DAB1: variants seen among roughly 807,000 people sequenced by gnomAD.
The protein encoded by DAB1 is DAB adaptor protein 1.
DAB1 carries 15 observed loss-of-function variants against 64.6 expected under a neutral mutation model. That is an observed-to-expected ratio of 0.23 (90% CI 0.16 to 0.36). DAB1 has a LOEUF of 0.36. Ranked by LOEUF, DAB1 falls within the 10% of genes least tolerant of loss-of-function variation. The pLI, the probability that DAB1 is intolerant of heterozygous loss-of-function variation, is 1.00. For synonymous variants in DAB1, 235 were observed against 251.9 expected, an observed-to-expected ratio of 0.93 and a Z score of 0.64; for missense variants, 596 against 706.7, an observed-to-expected ratio of 0.84 and a Z score of 1.78.
intron 3 of DAB1, among the ~76,000 whole-genome samples, chr1:58,482,948 T>C (rs974101672): frequency 6.6e-6 from 1 of 152,090 alleles, no homozygotes; most frequent in African/African-American, 2.4e-5. Flanking sequence ...ATGGAAAGAA[T>C]GAAAATGGAG....
chr1:57,791,250 C>G (rs1003106263), intron 6 of DAB1, among the ~76,000 whole-genome samples: 3 of 152,176 alleles, frequency 2.0e-5, no homozygotes, highest in Non-Finnish European at 2.9e-5. Context: ...CCTAGGCCCC[C>G]CTGTGTTGGA....
At chr1:58,219,903 T>C (rs1659068407) in intron 4 of DAB1, among the ~76,000 whole-genome samples, 1 of 152,260 alleles carries the variant, frequency 6.6e-6, no homozygotes, top group Non-Finnish European at 1.5e-5. Context: ...CTATCTGTGC[T>C]TACAATAGGC....
intron 4 of DAB1, among the ~76,000 whole-genome samples, chr1:58,253,127 CT>C (rs1660843124): frequency 6.6e-6 from 1 of 152,250 alleles, no homozygotes; most frequent in Admixed American, 6.5e-5. Context: ...CGAACCTCTC[CT>C]GTCATTTATT....
intron 3 of DAB1, among the ~76,000 whole-genome samples, chr1:58,366,355 A>T (rs943710774): frequency 6.6e-6 from 1 of 152,202 alleles, no homozygotes; most frequent in Non-Finnish European, 1.5e-5. Flanking sequence ...AGGGCCAGTG[A>T]CTAAGGGATC....
intron 3 of DAB1, among the ~76,000 whole-genome samples, chr1:58,476,060 AC>A (rs1645415546): frequency 2.0e-5 from 3 of 152,184 alleles, no homozygotes; most frequent in African/African-American, 7.2e-5. Flanking sequence ...GAAGAAAAAA[AC>A]AAATCTGATT....
chr1:57,235,170 A>G (rs1356454727), intron 2 of DAB1, among the ~76,000 whole-genome samples: 1 of 152,212 alleles, frequency 6.6e-6, no homozygotes, highest in Non-Finnish European at 1.5e-5. Context: ...AGTAAGTGAG[A>G]GGAGTCTCTG....
intron 5 of DAB1, among the ~76,000 whole-genome samples, chr1:57,945,917 T>A (rs566108933): frequency 6.6e-6 from 1 of 152,298 alleles, no homozygotes; most frequent in Non-Finnish European, 1.5e-5. Context: ...AGACAAATGT[T>A]AAATCAGTAA....
chr1:57,600,938 C>CA (rs1350171706), intron 7 of DAB1, among the ~76,000 whole-genome samples: 2 of 152,108 alleles, frequency 1.3e-5, no homozygotes, highest in Non-Finnish European at 2.9e-5. Flanking sequence ...GGTGGTTAAA[C>CA]AAGGCTGTGG....
At chr1:57,695,248 AGAAAGAAAGAAGGAAG>A (rs1371197074) in intron 6 of DAB1, among the ~76,000 whole-genome samples, 13 of 60,578 alleles carry the variant, frequency 2.1e-4, no homozygotes, top group Non-Finnish European at 2.7e-4. Flanking sequence ...GAAGAAAGAA[AGAAAGAAAGAAGGAAG>A]GAAGGAAGGA....
intron 2 of DAB1, among the ~76,000 whole-genome samples, chr1:57,229,678 T>C (rs771312026): frequency 6.6e-6 from 1 of 152,222 alleles, no homozygotes; most frequent in Non-Finnish European, 1.5e-5. Flanking sequence ...TTTACTGGTT[T>C]GCAAGTGAGA....
chr1:57,269,255 G>A (rs147728209), intron 2 of DAB1, among the ~76,000 whole-genome samples: 243 of 152,154 alleles, frequency 1.6e-3, no homozygotes, highest in African/African-American at 5.7e-3. Context: ...CAGCTCCCTG[G>A]GATATACAGA....
intron 7 of DAB1, among the ~76,000 whole-genome samples, chr1:57,597,285 C>A (rs570484906): frequency 2.0e-5 from 3 of 152,306 alleles, no homozygotes; most frequent in South Asian, 2.1e-4. Context: ...AATCAACATG[C>A]CCTTCTTTCT....
intron 5 of DAB1, among the ~76,000 whole-genome samples, chr1:57,992,032 G>A (rs765839827): frequency 4.6e-5 from 7 of 151,966 alleles, no homozygotes; most frequent in African/African-American, 7.2e-5. Flanking sequence ...GCCAGAGCTC[G>A]CTGTACTTGA....
At chr1:58,069,368 A>T (rs1425557405) in intron 5 of DAB1, among the ~76,000 whole-genome samples, 1 of 152,218 alleles carries the variant, frequency 6.6e-6, no homozygotes, top group Non-Finnish European at 1.5e-5. Context: ...AAACAACAGT[A>T]CTTACTGTCC....
At chr1:57,964,375 T>C (rs768236585) in intron 5 of DAB1, among the ~76,000 whole-genome samples, 1 of 152,190 alleles carries the variant, frequency 6.6e-6, no homozygotes, top group Non-Finnish European at 1.5e-5. Context: ...CTGTAGACAC[T>C]TGCTACATAT....
At chr1:57,527,217 C>T (rs1255138267) in intron 7 of DAB1, among the ~76,000 whole-genome samples, 3 of 152,068 alleles carry the variant, frequency 2.0e-5, no homozygotes, top group Admixed American at 6.6e-5. Context: ...TGTCTCAGAC[C>T]GATTCCTTAT....
At chr1:57,808,423 C>T (rs1305009658) in intron 6 of DAB1, among the ~76,000 whole-genome samples, 5 of 152,100 alleles carry the variant, frequency 3.3e-5, no homozygotes, top group Admixed American at 6.6e-5. Flanking sequence ...AGAGAGAAAG[C>T]GTAGTGAGGG....
chr1:57,982,972 A>T (rs757868622), intron 5 of DAB1, among the ~76,000 whole-genome samples: 1 of 152,180 alleles, frequency 6.6e-6, no homozygotes, highest in Non-Finnish European at 1.5e-5. Flanking sequence ...GCTCAGAGAG[A>T]ATGTGAGACC....
At chr1:58,142,203 A>G (rs1384929190) in intron 5 of DAB1, among the ~76,000 whole-genome samples, 1 of 152,098 alleles carries the variant, frequency 6.6e-6, no homozygotes, top group Non-Finnish European at 1.5e-5. Context: ...TCTCCGGCCA[A>G]GTTCCTGCCA....
Sources: gnomAD v4.1 joint callset for allele counts (sites outside exome capture counted in the v4.1 genomes callset) on GRCh38, gnomAD v4.1.1 for gene constraint, MANE v1.5 for transcripts, NCBI Gene and HGNC (gene_info 2026-07-23, HGNC 2026-07-21) for gene names.